CDKAL1: variants seen among roughly 807,000 people sequenced by gnomAD.
CDKAL1 encodes the protein CDKAL1 threonylcarbamoyladenosine tRNA methylthiotransferase.
Under a neutral mutation model 68.2 loss-of-function variants are expected in CDKAL1, and 32 were observed. The observed-to-expected ratio is 0.47, with a 90% CI of 0.35 to 0.63. The LOEUF (loss-of-function observed/expected upper bound fraction) is 0.63. Among genes scored for constraint, CDKAL1 ranks in the 30% least tolerant of loss-of-function variants. CDKAL1 has a pLI of 0.00. For missense variants in CDKAL1, 606 were observed against 696.7 expected (o/e 0.87, Z 1.47); for synonymous variants, 234 against 244.3 (o/e 0.96, Z 0.39).
At chr6:20,727,298 A>C (rs183204355) in intron 5 of CDKAL1, among the ~76,000 whole-genome samples, 1 of 152,208 alleles carries the variant, frequency 6.6e-6, no homozygotes, top group South Asian at 2.1e-4. Flanking sequence ...GCTGGGGTCT[A>C]TGAATCAAAA....
intron 7 of CDKAL1, among the ~76,000 whole-genome samples, chr6:20,776,826 A>G (rs773504641): frequency 6.6e-6 from 1 of 152,210 alleles, no homozygotes; most frequent in Non-Finnish European, 1.5e-5. Flanking sequence ...AGTCTGTGGT[A>G]TTAATGCTGG....
intron 12 of CDKAL1, among the ~76,000 whole-genome samples, chr6:21,093,039 C>G (rs920459018): frequency 3.3e-5 from 5 of 151,854 alleles, no homozygotes; most frequent in Admixed American, 2.6e-4. Context: ...ACAGGGTAAA[C>G]AAAGAAAGGA....
intron 11 of CDKAL1, among the ~76,000 whole-genome samples, chr6:21,013,436 CTT>C (rs1156876247): frequency 6.6e-6 from 1 of 151,836 alleles, no homozygotes; most frequent in Non-Finnish European, 1.5e-5. Flanking sequence ...GCATGAGATA[CTT>C]TAGGCATACA....
intron 9 of CDKAL1, among the ~76,000 whole-genome samples, chr6:20,867,381 G>A (rs543660186): frequency 1.3e-5 from 2 of 152,138 alleles, no homozygotes; most frequent in African/African-American, 4.8e-5. Flanking sequence ...CGGTTATTTT[G>A]ATTTTTGGTC....
chr6:21,181,386 A>G (rs1180968537), intron 13 of CDKAL1, among the ~76,000 whole-genome samples: 1 of 152,168 alleles, frequency 6.6e-6, no homozygotes, highest in Non-Finnish European at 1.5e-5. Context: ...CCATGAGTGA[A>G]TTAATGTTGT....
At chr6:20,836,586 T>C (rs1777956052) in intron 8 of CDKAL1, among the ~76,000 whole-genome samples, 1 of 152,240 alleles carries the variant, frequency 6.6e-6, no homozygotes, top group Non-Finnish European at 1.5e-5. Flanking sequence ...TTAATGTTCT[T>C]ATTTAAGTTC....
intron 13 of CDKAL1, among the ~76,000 whole-genome samples, chr6:21,178,324 A>G (rs960248541): frequency 1.3e-5 from 2 of 152,206 alleles, no homozygotes; most frequent in Non-Finnish European, 2.9e-5. Context: ...AAATTCCTGT[A>G]CAAAGCCAGT....
intron 10 of CDKAL1, among the ~76,000 whole-genome samples, chr6:20,961,068 G>C (rs927719797): frequency 1.3e-5 from 2 of 152,190 alleles, no homozygotes; most frequent in Non-Finnish European, 2.9e-5. Flanking sequence ...ATAGGGAAAA[G>C]ATGTTAAAGC....
At chr6:21,196,806 G>A (rs1355381392) in intron 13 of CDKAL1, among the ~76,000 whole-genome samples, 3 of 152,042 alleles carry the variant, frequency 2.0e-5, no homozygotes, top group Non-Finnish European at 4.4e-5. Flanking sequence ...AATAATCCCC[G>A]GCACAGTCAT....
chr6:20,951,295 A>C (rs955597848), intron 9 of CDKAL1, among the ~76,000 whole-genome samples: 1 of 152,252 alleles, frequency 6.6e-6, no homozygotes, highest in Non-Finnish European at 1.5e-5. Flanking sequence ...TTAATTCATT[A>C]CAGTGAAGCT....
chr6:20,599,686 C>T (rs1057101197), intron 4 of CDKAL1, among the ~76,000 whole-genome samples: 1 of 152,074 alleles, frequency 6.6e-6, no homozygotes, highest in African/African-American at 2.4e-5. Flanking sequence ...TCAGGATAAG[C>T]CTGTGTTAGG....
intron 10 of CDKAL1, among the ~76,000 whole-genome samples, chr6:20,965,551 C>G (rs1465023654): frequency 6.6e-6 from 1 of 152,180 alleles, no homozygotes; most frequent in African/African-American, 2.4e-5. Context: ...CTCTCTCACT[C>G]TAACATACTT....
chr6:20,857,131 G>T (rs1759375368), intron 9 of CDKAL1, among the ~76,000 whole-genome samples: 1 of 152,054 alleles, frequency 6.6e-6, no homozygotes, highest in Admixed American at 6.6e-5. Context: ...TTTATTTGTT[G>T]TTCTCAGTCA....
At chr6:21,215,384 A>G (rs1302156996) in intron 15 of CDKAL1, among the ~76,000 whole-genome samples, 1 of 152,230 alleles carries the variant, frequency 6.6e-6, no homozygotes, top group Admixed American at 6.5e-5. Flanking sequence ...CTACAGAGTT[A>G]TGTGACAAGA....
chr6:21,130,203 G>T (rs1775232037), intron 13 of CDKAL1, among the ~76,000 whole-genome samples: 1 of 146,020 alleles, frequency 6.8e-6, no homozygotes, highest in African/African-American at 2.5e-5. Flanking sequence ...ACTCTGCCTT[G>T]TAGCAAATTG....
intron 4 of CDKAL1, among the ~76,000 whole-genome samples, 153 bp downstream of exon 4, chr6:20,548,858 T>A (rs1763707577): frequency 6.6e-6 from 1 of 152,212 alleles, no homozygotes; most frequent in Admixed American, 6.5e-5. Context: ...ACCATGGATG[T>A]CATATTTAAA....
At chr6:21,089,235 G>C (rs533456670) in intron 12 of CDKAL1, among the ~76,000 whole-genome samples, 7 of 152,136 alleles carry the variant, frequency 4.6e-5, no homozygotes, top group African/African-American at 1.7e-4. Context: ...CAGCACTTCG[G>C]GAGGCTGAGG....
In CDKAL1 at chr6:21,003,371, T is replaced by TATATATATATATATATATACAC; in HGVS notation, c.1055+3000_1055+3001insTATATATATATATATATACACA. 3.5e-3 allele frequency among the ~76,000 whole-genome samples: 172 copies of TATATATATATATATATATACAC among 49,154 alleles called. 1 individual carries two copies. The highest frequency in any genetic ancestry group is 5.2e-3 in the East Asian group (6 of 1,156). 32.2% of individuals were successfully genotyped at this position (49,154 alleles called of 152,430 possible). A position where few individuals can be genotyped will look rare whatever the true frequency, so the allele number is the denominator to read the frequency against. ...ATATATATATATATATATATATATA[T>TATATATATATATATATATACAC]ACACACACACACACACACATATATA... On this transcript the variant is annotated intron_variant, in intron 11 of 15. Transcript: ENST00000274695.
chr6:21,083,426 G>T (rs1438276179), intron 12 of CDKAL1, among the ~76,000 whole-genome samples: 2 of 152,016 alleles, frequency 1.3e-5, no homozygotes, highest in Non-Finnish European at 2.9e-5. Flanking sequence ...TGCTACATTT[G>T]CTTTCTCTTT....
Sources: gnomAD v4.1 joint callset for allele counts (sites outside exome capture counted in the v4.1 genomes callset) on GRCh38, gnomAD v4.1.1 for gene constraint, MANE v1.5 for transcripts, NCBI Gene and HGNC (gene_info 2026-07-23, HGNC 2026-07-21) for gene names.